The following RIT2 variants were observed in gnomAD, a reference collection of about 807,000 sequenced individuals.
RIT2 encodes Ras like without CAAX 2, also known as GTP-binding protein Rit2.
Under a neutral mutation model 23.7 loss-of-function variants are expected in RIT2, and 24 were observed. The observed-to-expected ratio is 1.01, with a 90% CI of 0.73 to 1.43. The LOEUF is 1.43. Ranked by LOEUF, RIT2 falls within the 40% of genes most tolerant of loss-of-function variation. The pLI is 0.00. For synonymous variants in RIT2, 107 were observed against 91.1 expected (o/e 1.17, Z -0.99); for missense variants, 236 against 266.9 (o/e 0.88, Z 0.81).
chr18:42,846,056 G>A (rs1906901826), intron 4 of RIT2, among the ~76,000 whole-genome samples: 1 of 151,710 alleles, frequency 6.6e-6, no homozygotes, highest in South Asian at 2.1e-4. Context: ...CATAAGAGCA[G>A]GAATTAATCT....
intron 2 of RIT2, among the ~76,000 whole-genome samples, chr18:42,975,172 A>G (rs1229695270): frequency 6.6e-6 from 1 of 152,052 alleles, no homozygotes. Flanking sequence ...GTGAGATGGT[A>G]TCTCATTGTG....
At chr18:42,832,898 CA>C (rs1233562024) in intron 4 of RIT2, among the ~76,000 whole-genome samples, 1 of 151,464 alleles carries the variant, frequency 6.6e-6, no homozygotes, top group Non-Finnish European at 1.5e-5. Flanking sequence ...ATTAAAAATA[CA>C]AAAAAGTAGC....
intron 2 of RIT2, among the ~76,000 whole-genome samples, chr18:43,010,567 C>A (rs1330186560): frequency 6.6e-6 from 1 of 151,738 alleles, no homozygotes; most frequent in Non-Finnish European, 1.5e-5. Context: ...ATTACAAATT[C>A]TTGAAAATAA....
At chr18:42,919,752 C>A (rs1260514054) in intron 4 of RIT2, among the ~76,000 whole-genome samples, 1 of 151,792 alleles carries the variant, frequency 6.6e-6, no homozygotes. Flanking sequence ...TGACATAAAA[C>A]GTTCTAACCT....
intron 1 of RIT2, among the ~76,000 whole-genome samples, chr18:43,053,084 G>A (rs1912421415): frequency 6.6e-6 from 1 of 152,078 alleles, no homozygotes; most frequent in South Asian, 2.1e-4. Context: ...TCTTACCTAT[G>A]GCCACGTTGT....
chr18:43,089,536 T>C (rs1171986304), intron 1 of RIT2, among the ~76,000 whole-genome samples: 2 of 150,802 alleles, frequency 1.3e-5, no homozygotes, highest in African/African-American at 2.4e-5. Context: ...TTATAAAATT[T>C]ACATGGAACC....
chr18:43,014,203 A>C (rs1911418169), intron 2 of RIT2, among the ~76,000 whole-genome samples: 2 of 151,820 alleles, frequency 1.3e-5, no homozygotes, highest in Admixed American at 1.3e-4. Context: ...TTGAGGCAGA[A>C]GTAGAGGTAG....
rs1914051309 is a variant in RIT2, at chr18:43,115,602, C to A, written c.-83G>T. The A allele has an allele frequency of 1.3e-6, 2 of 1,522,454 alleles. No individual in the cohort carries two copies. Among genetic ancestry groups the A allele is most frequent in the African/African-American group, 1.4e-5 (1 of 71,524 alleles). The allele number at this position is 1,522,454 out of a possible 1,614,324, so 94.3% of individuals were successfully genotyped here. A position where few individuals can be genotyped will look rare whatever the true frequency, so the allele number is the denominator to read the frequency against. Reference sequence around the variant, plus strand: ...GCTCGAATATTAAGCAACTCTAAAACTGTGTCAAAGCAAAGGTTTTAGTAC... The same window carrying A: ...GCTCGAATATTAAGCAACTCTAAAAATGTGTCAAAGCAAAGGTTTTAGTAC... On this transcript the variant is annotated 5_prime_UTR_variant, in exon 1 of 5. Coordinates refer to ENST00000326695, the MANE Select transcript of RIT2 (RefSeq NM_002930.4).
At chr18:42,968,427 T>C (rs1910288501) in intron 3 of RIT2, among the ~76,000 whole-genome samples, 1 of 152,158 alleles carries the variant, frequency 6.6e-6, no homozygotes, top group Admixed American at 6.5e-5. Context: ...TAATAATAAA[T>C]TGTTTTCAAG....
chr18:42,967,476 T>C (rs1376681885), intron 3 of RIT2, among the ~76,000 whole-genome samples: 1 of 151,078 alleles, frequency 6.6e-6, no homozygotes, highest in African/African-American at 2.4e-5. Flanking sequence ...TTCATGCCAT[T>C]CTCCTCCCTC....
intron 4 of RIT2, among the ~76,000 whole-genome samples, chr18:42,785,606 A>G (rs1913904507): frequency 6.6e-6 from 1 of 152,168 alleles, no homozygotes; most frequent in African/African-American, 2.4e-5. Context: ...AAAGGACTCA[A>G]CCATGAGGTT....
intron 4 of RIT2, among the ~76,000 whole-genome samples, chr18:42,765,902 T>A (rs1202625025): frequency 6.6e-6 from 1 of 152,060 alleles, no homozygotes; most frequent in East Asian, 1.9e-4. Context: ...TCTCATGAGA[T>A]CTAGTGGGCT....
At chr18:43,114,961 C>T (rs532327997) in intron 1 of RIT2, among the ~76,000 whole-genome samples, 3 of 152,222 alleles carry the variant, frequency 2.0e-5, no homozygotes, top group Non-Finnish European at 4.4e-5. Flanking sequence ...AAAGAACCTC[C>T]TAATGAAAGA....
intron 1 of RIT2, among the ~76,000 whole-genome samples, chr18:43,059,874 C>G (rs960255992): frequency 1.3e-5 from 2 of 151,944 alleles, no homozygotes; most frequent in African/African-American, 4.8e-5. Context: ...AGGTTCTGGA[C>G]AACTCTTGAT....
chr18:42,808,092 T>C (rs1245363766), intron 4 of RIT2, among the ~76,000 whole-genome samples: 6 of 152,176 alleles, frequency 3.9e-5, no homozygotes, highest in Non-Finnish European at 8.8e-5. Flanking sequence ...ATTAATGAAT[T>C]CCTGGAAGAC....
chr18:42,819,231 A>G (rs984066749), intron 4 of RIT2, among the ~76,000 whole-genome samples: 7 of 140,658 alleles, frequency 5.0e-5, no homozygotes, highest in African/African-American at 2.1e-4. Flanking sequence ...CCAAATTTGT[A>G]TTCACCAATA....
intron 4 of RIT2, among the ~76,000 whole-genome samples, chr18:42,780,879 GC>G: frequency 6.6e-6 from 1 of 151,562 alleles, no homozygotes; most frequent in Middle Eastern, 3.4e-3. Flanking sequence ...GTTGCGGGGG[GC>G]TTAGAATTTT....
intron 3 of RIT2, among the ~76,000 whole-genome samples, chr18:42,956,251 G>A (rs1469327676): frequency 6.6e-6 from 1 of 152,076 alleles, no homozygotes; most frequent in East Asian, 1.9e-4. Flanking sequence ...TCTGCTAGAG[G>A]ATGCTCATGA....
chr18:43,099,676 C>T (rs936393723), intron 1 of RIT2, among the ~76,000 whole-genome samples: 1 of 151,998 alleles, frequency 6.6e-6, no homozygotes, highest in Non-Finnish European at 1.5e-5. Context: ...TATTTTGTCT[C>T]TCTATAATAT....
Sources: allele counts gnomAD v4.1 joint callset (sites outside exome capture counted in the v4.1 genomes callset), GRCh38; gene constraint gnomAD v4.1.1; transcripts MANE v1.5; gene names NCBI Gene and HGNC (gene_info 2026-07-23, HGNC 2026-07-21).